Variants in MTMR6 observed in about 807,000 individuals in gnomAD.
The protein encoded by MTMR6 is phosphatidylinositol-3,5-bisphosphate 3-phosphatase MTMR6.
A neutral mutation model predicts 80.1 loss-of-function variants in MTMR6; 47 were observed. The observed-to-expected ratio is 0.59, with a 90% CI of 0.46 to 0.75. The LOEUF is 0.75. MTMR6 is among the 30% of genes least tolerant of loss of function. MTMR6 has a pLI of 0.00. For missense variants in MTMR6, 629 were observed against 730.9 expected (o/e 0.86, Z 1.61); for synonymous variants, 254 against 253.0 (o/e 1.00, Z -0.04).
intron 1 of MTMR6, among the ~76,000 whole-genome samples, chr13:25,276,640 CCT>C (rs1435473188): frequency 6.6e-6 from 1 of 152,128 alleles, no homozygotes; most frequent in Non-Finnish European, 1.5e-5. Context: ...CTGTCCATCC[CCT>C]GTTCACTATT....
chr13:25,278,549 T>G (rs55699444), intron 1 of MTMR6, among the ~76,000 whole-genome samples: 3,590 of 151,992 alleles, frequency 0.024, 153 homozygotes, highest in African/African-American at 0.083. Flanking sequence ...GGTGAAACCC[T>G]GTCTCTACTA....
chr13:25,272,441 A>G (rs1022651715), intron 2 of MTMR6, among the ~76,000 whole-genome samples: 10 of 152,172 alleles, frequency 6.6e-5, no homozygotes, highest in African/African-American at 2.4e-4. Context: ...GTTTTCTTGA[A>G]TAATACTTTT....
intron 1 of MTMR6, among the ~76,000 whole-genome samples, chr13:25,277,159 T>C (rs1487411398): frequency 6.6e-6 from 1 of 152,198 alleles, no homozygotes. Flanking sequence ...ATGTTACTCC[T>C]CCATCCTTAT....
chr13:25,262,280 C>T (rs1382162523), intron 5 of MTMR6, among the ~76,000 whole-genome samples: 1 of 152,154 alleles, frequency 6.6e-6, no homozygotes, highest in Non-Finnish European at 1.5e-5. Context: ...ACCTTCAATT[C>T]AAATTTGAGT....
intron 5 of MTMR6, among the ~76,000 whole-genome samples, chr13:25,262,428 C>T (rs992707132): frequency 1.3e-5 from 2 of 152,130 alleles, no homozygotes; most frequent in African/African-American, 2.4e-5. Context: ...AATGCAGTGG[C>T]GTGATCACAG....
chr13:25,274,941 C>CAGACACACACACACACACACACAG (rs113746536), intron 1 of MTMR6, among the ~76,000 whole-genome samples: 1 of 130,610 alleles, frequency 7.7e-6, no homozygotes, highest in Non-Finnish European at 1.6e-5. Flanking sequence ...AGTAGACAGA[C>CAGACACACACACACACACACACAG]ACACACACAC....
In MTMR6 at chr13:25,278,315, G is replaced by A. The variant is rs149708322; in HGVS notation, c.25-4128C>T. Among the ~76,000 whole-genome samples, 42 of 152,268 alleles carry A rather than the reference G, an allele frequency of 2.8e-4. No homozygotes were observed. In the East Asian group the frequency reaches 6.4e-3, roughly 23 times the overall value. On this transcript the variant is annotated intron_variant, in intron 1 of 13. Coordinates refer to ENST00000381801, the MANE Select transcript of MTMR6 (RefSeq NM_004685.5). ...TCCTTTAAAATGCACAACTGCTACC[G>A]GGTGTGGTGGCTCACGCCTGTAATC...
In MTMR6 at chr13:25,266,256, T is replaced by C; in HGVS notation, c.335A>G (p.Tyr112Cys). The C allele has an allele frequency of 6.2e-7, 1 of 1,612,910 alleles. No individual in the cohort carries two copies. The highest frequency in any genetic ancestry group is 1.1e-5 in the South Asian group (1 of 90,978). ...TTCTGAATCATTTTGTTTGGGATTA[T>C]AAGAAAATGCATAGAGATCTTCATA... Reference protein sequence around the residue: ...AKYEDLYAFSYNPKQNDSERL... With the variant: ...AKYEDLYAFSCNPKQNDSERL... The change falls in exon 4 of 14, where the codon TAT becomes TGT. Residue 112 changes from tyrosine to cysteine, a missense_variant. By Grantham distance (194) the Tyr-to-Cys change is radical. Transcript: ENST00000381801.
At chr13:25,284,793 CAT>C (rs1402903194) in intron 1 of MTMR6, among the ~76,000 whole-genome samples, 5 of 152,176 alleles carry the variant, frequency 3.3e-5, no homozygotes, top group African/African-American at 1.2e-4. Flanking sequence ...AATTTAAGAA[CAT>C]GTTACAGTCC....
Position 25,258,613 on chromosome 13 carries a change from A to G in MTMR6, c.806T>C (p.Val269Ala), listed in dbSNP as rs749423542. ...CATGACATGAATATTTTCAATTCCA[A>G]CAAACTGAAATCTAATATTGGAATA... ...DNYSNIRFQF[V>A]GIENIHVMRS... Residue 269 changes from valine to alanine, a missense_variant, in exon 7 of 14, where the codon GTT becomes GCT. Physicochemically the swap from Val to Ala is moderately conservative, Grantham distance 64. Transcript: ENST00000381801. The G allele has an allele frequency of 1.6e-5, 26 of 1,599,560 alleles. No individual in the cohort carries two copies. Among genetic ancestry groups the G allele is most frequent in the Non-Finnish European group, 1.9e-5 (22 of 1,176,050 alleles).
At chr13:25,256,891 T>A (rs1020929919) in intron 9 of MTMR6, among the ~76,000 whole-genome samples, 1 of 152,190 alleles carries the variant, frequency 6.6e-6, no homozygotes, top group African/African-American at 2.4e-5. Flanking sequence ...GGAAAAAAAA[T>A]TATTTAAATC....
intron 5 of MTMR6, among the ~76,000 whole-genome samples, chr13:25,262,605 C>T (rs937306937): frequency 2.0e-5 from 3 of 152,096 alleles, no homozygotes; most frequent in African/African-American, 4.8e-5. Context: ...TGGGCTCAAG[C>T]GATCTGCCCA....
Position 25,287,408 on chromosome 13 carries a change from G to A in MTMR6, c.-161C>T, listed in dbSNP as rs983553764. On this transcript the variant is annotated 5_prime_UTR_variant, in exon 1 of 14. Coordinates refer to ENST00000381801, the MANE Select transcript of MTMR6 (RefSeq NM_004685.5). ...TGGCGTCAACGGCGCAGGTGCAGCCGGTGAGCGCCGTCTCCTAGAAACACT... is the reference window on the plus strand; with the variant it reads ...TGGCGTCAACGGCGCAGGTGCAGCCAGTGAGCGCCGTCTCCTAGAAACACT... The A allele has an allele frequency of 1.2e-5, 11 of 887,392 alleles. No homozygotes were observed. In the African/African-American group the frequency reaches 1.3e-4, roughly 11 times the overall value. The allele number at this position is 887,392 out of a possible 1,614,324, so 55.0% of individuals were successfully genotyped here. A position where few individuals can be genotyped will look rare whatever the true frequency, so the allele number is the denominator to read the frequency against.
chr13:25,254,942 T>C (rs574222261), intron 9 of MTMR6, among the ~76,000 whole-genome samples: 1 of 152,332 alleles, frequency 6.6e-6, no homozygotes, highest in East Asian at 1.9e-4. Flanking sequence ...ATCATCTTAC[T>C]TGAGTTCATG....
Position 25,264,771 on chromosome 13 carries a change from A to G in MTMR6, c.591+1048T>C, listed in dbSNP as rs919012652. On this transcript the variant is annotated intron_variant, in intron 5 of 13. Coordinates refer to ENST00000381801, the MANE Select transcript of MTMR6 (RefSeq NM_004685.5). ...TCCATCTCAAAAAAAAAAAAAAAAAAAAAAGAAATTTCAGAACACTGGGGA... is the reference window on the plus strand; with the variant it reads ...TCCATCTCAAAAAAAAAAAAAAAAAGAAAAGAAATTTCAGAACACTGGGGA... Among the ~76,000 whole-genome samples the G allele has an allele frequency of 4.9e-3, 732 of 149,330 alleles. 17 individuals carry two copies. The highest frequency in any genetic ancestry group is 0.017 in the African/African-American group (688 of 40,830).
Position 25,249,295 on chromosome 13 carries a change from C to G in MTMR6, c.1803G>C (p.Glu601Asp), listed in dbSNP as rs1957036780. ...ADNRYSEYAEEFSKSEPAVVS... is the reference protein window; with the variant it reads ...ADNRYSEYAEDFSKSEPAVVS... ...CCACAGCAGGTTCTGATTTAGAAAA[C>G]TCTTCTGCATATTCACTATAACGAT... Residue 601 changes from glutamate to aspartate, a missense_variant, in exon 14 of 14, where the codon GAG becomes GAC. Coordinates refer to ENST00000381801, the MANE Select transcript of MTMR6 (RefSeq NM_004685.5). 6.2e-7 allele frequency: 1 copy of G among 1,614,026 alleles called. No homozygotes were observed.
chr13:25,265,154 T>A (rs1490902889), intron 5 of MTMR6, among the ~76,000 whole-genome samples: 7 of 152,178 alleles, frequency 4.6e-5, no homozygotes, highest in Admixed American at 2.6e-4. Context: ...ACTATTAAAA[T>A]GGGACCCTGA....
intron 1 of MTMR6, among the ~76,000 whole-genome samples, chr13:25,279,156 C>T (rs1467242846): frequency 2.0e-5 from 3 of 152,092 alleles, no homozygotes; most frequent in Non-Finnish European, 4.4e-5. Flanking sequence ...TCTGTGTCCC[C>T]GTCCAAATTT....
At chr13:25,274,231 A>G (rs1477548893) in intron 1 of MTMR6, 44 bp from the exon 2 acceptor site, 1 of 1,358,854 alleles carries the variant, frequency 7.4e-7, no homozygotes, top group Non-Finnish European at 1.0e-6. Flanking sequence ...AAAGTAGTAT[A>G]AATTATTTTT....
Sources: allele counts gnomAD v4.1 joint callset (sites outside exome capture counted in the v4.1 genomes callset), GRCh38; gene constraint gnomAD v4.1.1; transcripts MANE v1.5; gene names NCBI Gene and HGNC (gene_info 2026-07-23, HGNC 2026-07-21).